The following FLVCR1 variants were observed in gnomAD, a reference collection of about 807,000 sequenced individuals.
FLVCR1 encodes the protein choline/ethanolamine transporter FLVCR1.
FLVCR1 carries 34 observed loss-of-function variants against 53.6 expected under a neutral mutation model. The observed-to-expected ratio is 0.63, with a 90% CI of 0.48 to 0.84. The LOEUF is 0.84. Among genes scored for constraint, FLVCR1 ranks in the 40% least tolerant of loss-of-function variants. The pLI is 0.00. For missense variants in FLVCR1, 677 were observed against 696.7 expected (o/e 0.97, Z 0.32); for synonymous variants, 300 against 286.3 (o/e 1.05, Z -0.48).
chr1:212,862,746 T>A (rs907130256), intron 1 of FLVCR1, among the ~76,000 whole-genome samples: 3 of 152,230 alleles, frequency 2.0e-5, no homozygotes, highest in Non-Finnish European at 4.4e-5. Context: ...TTAAACTTAT[T>A]AAGGAACTGC....
At chr1:212,888,051 T>G (rs368189405) in intron 6 of FLVCR1, 50 bp downstream of exon 6, 101 of 1,060,536 alleles carry the variant, frequency 9.5e-5, no homozygotes, top group Non-Finnish European at 1.3e-4. Flanking sequence ...GTTATAATTC[T>G]GAAGTATTAT....
intron 9 of FLVCR1, 52 bp downstream of exon 9, chr1:212,895,105 G>A: frequency 7.2e-7 from 1 of 1,382,610 alleles, no homozygotes; most frequent in Non-Finnish European, 1.0e-6. Flanking sequence ...TAGAATAAAT[G>A]TGAAACCATA....
intron 3 of FLVCR1, 115 bp from the exon 4 acceptor site, chr1:212,883,256 C>T: frequency 2.9e-6 from 2 of 685,270 alleles, no homozygotes; most frequent in Non-Finnish European, 2.6e-6. Context: ...TGTATTTCCA[C>T]AATTGTCACA....
chr1:212,858,830 C>A lies in FLVCR1; in HGVS notation c.378C>A (p.Ile126=). The A allele has an allele frequency of 6.2e-7, 1 of 1,614,238 alleles. No homozygotes were observed. Among genetic ancestry groups the A allele is most frequent in the Non-Finnish European group, 8.5e-7 (1 of 1,180,036 alleles). Residue 126 remains isoleucine (I), a synonymous_variant, in exon 1 of 10, where the codon ATC becomes ATA. Transcript: ENST00000366971. The part of the protein sequence containing the change: ...LYSLVNAFQW[I]QYSIISNVFE... ...CGCTGGTCAACGCCTTTCAGTGGAT[C>A]CAGTACAGCATCATTAGCAACGTCT...
In FLVCR1 at chr1:212,873,660, G is replaced by T. The variant is rs748995094; in HGVS notation, c.1024+842G>T. Among the ~76,000 whole-genome samples the T allele has an allele frequency of 1.3e-4, 20 of 152,226 alleles. No homozygotes were observed. The South Asian group carries it at 3.1e-3, about 24-fold the overall frequency. On this transcript the variant is annotated intron_variant, in intron 3 of 9. Coordinates refer to ENST00000366971, the MANE Select transcript of FLVCR1 (RefSeq NM_014053.4). Reference sequence around the variant, plus strand: ...TTGGTTTTCTTCAGAGTTTTCTGACGGTTCATTCTTTGTTTCTTGTGTTAA... The same window carrying T: ...TTGGTTTTCTTCAGAGTTTTCTGACTGTTCATTCTTTGTTTCTTGTGTTAA...
chr1:212,893,072 G>GA (rs1163599440), intron 8 of FLVCR1, among the ~76,000 whole-genome samples: 2 of 148,624 alleles, frequency 1.3e-5, no homozygotes, highest in Admixed American at 6.8e-5. Flanking sequence ...TTTTGGGGGG[G>GA]GGTGCCGGAA....
intron 2 of FLVCR1, among the ~76,000 whole-genome samples, chr1:212,869,340 A>G (rs1664532889): frequency 6.6e-6 from 1 of 152,234 alleles, no homozygotes; most frequent in South Asian, 2.1e-4. Flanking sequence ...TGAAAGTAGC[A>G]GTTAGGTGTA....
chr1:212,895,470 A>T lies in FLVCR1; in HGVS notation c.*180A>T, dbSNP rs1411847708. On this transcript the variant is annotated 3_prime_UTR_variant, in exon 10 of 10. Transcript: ENST00000366971. Reference sequence around the variant, plus strand: ...TTTGCTTAATTGTTAAATTAAGGGAAATTTTCTTAAAATTCTTCTGTTTAC... The same window carrying T: ...TTTGCTTAATTGTTAAATTAAGGGATATTTTCTTAAAATTCTTCTGTTTAC... 1.6e-6 allele frequency: 1 copy of T among 622,088 alleles called. No homozygotes were observed. Among genetic ancestry groups the T allele is most frequent in the Non-Finnish European group, 2.9e-6 (1 of 346,110 alleles). 38.5% of individuals were successfully genotyped at this position (622,088 alleles called of 1,614,324 possible).
At chr1:212,867,804 CTTT>C (rs34803914) in intron 2 of FLVCR1, among the ~76,000 whole-genome samples, 19 of 122,990 alleles carry the variant, frequency 1.5e-4, no homozygotes, top group Admixed American at 4.3e-4. Flanking sequence ...CATAATTTTA[CTTT>C]TTTTTTTTTT....
At chr1:212,885,213 A>G (rs991345908) in intron 4 of FLVCR1, 80 bp from the exon 5 acceptor site, 3 of 963,268 alleles carry the variant, frequency 3.1e-6, no homozygotes, top group Non-Finnish European at 3.4e-6. Flanking sequence ...TTCATTGACT[A>G]TGAAAAGGTG....
chr1:212,882,926 C>A (rs1411297908), intron 3 of FLVCR1, among the ~76,000 whole-genome samples: 1 of 152,084 alleles, frequency 6.6e-6, no homozygotes, highest in Non-Finnish European at 1.5e-5. Flanking sequence ...CTGATTTTGT[C>A]TTATGAATTT....
At chr1:212,861,762 C>G (rs866288828) in intron 1 of FLVCR1, among the ~76,000 whole-genome samples, 42 of 152,122 alleles carry the variant, frequency 2.8e-4, no homozygotes, top group African/African-American at 9.6e-4. Context: ...CTCTGCCTCC[C>G]GGGTTCATGC....
At chr1:212,880,811 A>AG (rs1664899714) in intron 3 of FLVCR1, among the ~76,000 whole-genome samples, 1 of 151,494 alleles carries the variant, frequency 6.6e-6, no homozygotes, top group Non-Finnish European at 1.5e-5. Context: ...AAAAAAAAAA[A>AG]AAGAAGTCCT....
chr1:212,889,156 T>C lies in FLVCR1; in HGVS notation c.1424T>C (p.Ile475Thr), dbSNP rs376842630. The C allele has an allele frequency of 1.6e-5, 26 of 1,608,554 alleles. No homozygotes were observed. Among genetic ancestry groups the C allele is most frequent in the African/African-American group, 4.0e-5 (3 of 74,830 alleles). Residue 475 changes from isoleucine to threonine, a missense_variant, in exon 8 of 10, where the codon ATT (isoleucine) becomes ACT (threonine). Ile to Thr is a moderately conservative substitution (Grantham distance 89). Transcript: ENST00000366971. Reference protein sequence around the residue: ...LLNASAQIFGILFTLAQGKLT... With the variant: ...LLNASAQIFGTLFTLAQGKLT... Reference sequence around the variant, plus strand: ...CTTATTGTATTTTAGATATTTGGAATTTTGTTCACATTGGCTCAAGGAAAG... The same window carrying C: ...CTTATTGTATTTTAGATATTTGGAACTTTGTTCACATTGGCTCAAGGAAAG...
Position 212,859,140 on chromosome 1 carries a change from G to T in FLVCR1, c.688G>T (p.Gly230Trp). The change falls in exon 1 of 10, where the codon GGG (glycine) becomes TGG (tryptophan). Residue 230 changes from glycine (G) to tryptophan (W), a missense_variant. By Grantham distance (184) the Gly-to-Trp change is radical. Transcript: ENST00000366971. ...CTCCCGCATCGCCTCAGTGTGGTTTGGGCCCAAAGAGGTGTCCACAGCTTG... is the reference window on the plus strand; with the variant it reads ...CTCCCGCATCGCCTCAGTGTGGTTTTGGCCCAAAGAGGTGTCCACAGCTTG... ...LPSRIASVWF[G>W]PKEVSTACAT... is the part of the protein sequence containing the mutation. 6.2e-7 allele frequency: 1 copy of T among 1,613,976 alleles called. No homozygotes were observed. Among genetic ancestry groups the T allele is most frequent in the Non-Finnish European group, 8.5e-7 (1 of 1,180,034 alleles).
chr1:212,858,444 G>C lies in FLVCR1; in HGVS notation c.-9G>C. 7.0e-7 allele frequency: 1 copy of C among 1,434,428 alleles called. No homozygotes were observed. Among genetic ancestry groups the C allele is most frequent in the Non-Finnish European group, 9.1e-7 (1 of 1,099,492 alleles). 88.9% of individuals were successfully genotyped at this position (1,434,428 alleles called of 1,614,324 possible). On this transcript the variant is annotated 5_prime_UTR_variant, in exon 1 of 10. Coordinates refer to ENST00000366971, the MANE Select transcript of FLVCR1 (RefSeq NM_014053.4). ...CGGGGGAGCGAGGTGGCGCCGGGGA[G>C]CCTGGGATATGGCGCGGCCAGACGA...
chr1:212,874,243 A>G (rs1664688863), intron 3 of FLVCR1, among the ~76,000 whole-genome samples: 1 of 152,014 alleles, frequency 6.6e-6, no homozygotes. Context: ...TCCTGACCAC[A>G]GGTGATCTGC....
chr1:212,885,178 G>A, intron 4 of FLVCR1, 115 bp from the exon 5 acceptor site: 1 of 776,972 alleles, frequency 1.3e-6, no homozygotes, highest in South Asian at 1.4e-5. Flanking sequence ...TCTTCCTACT[G>A]TGTGCTTAGT....
intron 8 of FLVCR1, among the ~76,000 whole-genome samples, chr1:212,893,801 G>T (rs1464988940): frequency 6.6e-6 from 1 of 152,148 alleles, no homozygotes; most frequent in Non-Finnish European, 1.5e-5. Context: ...TTGAGATGGA[G>T]TTTCGCTCTT....
Sources: gnomAD v4.1 joint callset for allele counts (sites outside exome capture counted in the v4.1 genomes callset) on GRCh38, gnomAD v4.1.1 for gene constraint, MANE v1.5 for transcripts, NCBI Gene and HGNC (gene_info 2026-07-23, HGNC 2026-07-21) for gene names.